The following HSF5 variants were observed in gnomAD, a reference collection of about 807,000 sequenced individuals.
HSF5 encodes the protein heat shock factor protein 5.
HSF5 carries 5 observed loss-of-function variants against 50.8 expected under a neutral mutation model. That is an observed-to-expected ratio of 0.10 (90% CI 0.05 to 0.21). The LOEUF (loss-of-function observed/expected upper bound fraction) is 0.21, where lower values mean the gene tolerates loss of function less well. HSF5 is among the 10% of genes least tolerant of loss of function. HSF5 has a pLI of 1.00. For synonymous variants in HSF5, 307 were observed against 307.4 expected (o/e 1.00, Z 0.02); for missense variants, 564 against 762.6 (o/e 0.74, Z 3.07).
intron 3 of HSF5, 61 bp downstream of exon 3, chr17:58,466,824 T>C (rs1974873729): frequency 4.1e-6 from 4 of 967,816 alleles, no homozygotes; most frequent in South Asian, 3.9e-5. Context: ...TTTGAAATTT[T>C]GCAATATCGA....
At chr17:58,486,237 C>T (rs527826643) in intron 1 of HSF5, among the ~76,000 whole-genome samples, 20 of 152,138 alleles carry the variant, frequency 1.3e-4, no homozygotes, top group South Asian at 6.2e-4. Flanking sequence ...TGGTGGCACG[C>T]GCCTGTATTC....
At chr17:58,465,174 TTTC>T (rs1974846187) in intron 3 of HSF5, among the ~76,000 whole-genome samples, 1 of 132,416 alleles carries the variant, frequency 7.6e-6, no homozygotes, top group Non-Finnish European at 1.6e-5. Flanking sequence ...CCTTCCTTTA[TTTC>T]TTTTCTTTTT....
intron 5 of HSF5, among the ~76,000 whole-genome samples, chr17:58,451,530 G>A (rs1283318130): frequency 6.6e-6 from 1 of 152,080 alleles, no homozygotes; most frequent in African/African-American, 2.4e-5. Flanking sequence ...ATCAATACAG[G>A]AAGAACTTTG....
At chr17:58,444,033 A>G (rs896937944) in intron 5 of HSF5, among the ~76,000 whole-genome samples, 1 of 152,234 alleles carries the variant, frequency 6.6e-6, no homozygotes, top group Non-Finnish European at 1.5e-5. Context: ...CGAATGAGGC[A>G]AAAGACTTTT....
intron 1 of HSF5, among the ~76,000 whole-genome samples, chr17:58,483,382 G>A (rs1001998757): frequency 2.0e-5 from 3 of 152,122 alleles, no homozygotes; most frequent in African/African-American, 4.8e-5. Context: ...ACCAAGACAT[G>A]TTTAGCCCTT....
At chr17:58,452,554 A>T (rs1974655194) in intron 5 of HSF5, among the ~76,000 whole-genome samples, 1 of 151,938 alleles carries the variant, frequency 6.6e-6, no homozygotes, top group African/African-American at 2.4e-5. Context: ...TCATGCCTGT[A>T]ATCGCAACAC....
intron 5 of HSF5, among the ~76,000 whole-genome samples, chr17:58,424,828 C>CAACA (rs1414296408): frequency 3.9e-5 from 6 of 152,178 alleles, no homozygotes; most frequent in African/African-American, 1.4e-4. Context: ...AATTCTGGCA[C>CAACA]ATGCTACAAC....
rs750480602 is a variant in HSF5 at position 58,479,988 on chromosome 17, T to G, written c.830A>C (p.His277Pro). 1 of 1,614,204 alleles carries G rather than the reference T, an allele frequency of 6.2e-7. No homozygotes were observed. The highest frequency in any genetic ancestry group is 1.1e-5 in the South Asian group (1 of 91,074). The change falls in exon 2 of 6, where the codon CAT becomes CCT. Residue 277 changes from histidine (H) to proline (P), a missense_variant. Physicochemically the swap from His to Pro is moderately conservative, Grantham distance 77 (BLOSUM62 -2). Coordinates refer to ENST00000323777, the MANE Select transcript of HSF5 (RefSeq NM_001080439.3). ...YTLQPSTTSV[H>P]VQQGPQTMVS... ...CATTGTTTGAGGACCTTGTTGAACA[T>G]GTACAGATGTGGTGCTGGGCTGCAG...
chr17:58,434,774 AG>A (rs1317349708), intron 5 of HSF5, among the ~76,000 whole-genome samples: 1 of 152,166 alleles, frequency 6.6e-6, no homozygotes, highest in Non-Finnish European at 1.5e-5. Context: ...GGATTGCTTG[AG>A]CCGGGAAGTC....
At chr17:58,446,456 T>G (rs1974563928) in intron 5 of HSF5, among the ~76,000 whole-genome samples, 1 of 152,156 alleles carries the variant, frequency 6.6e-6, no homozygotes, top group Non-Finnish European at 1.5e-5. Context: ...GCATTTGAAC[T>G]TAGTACTGGT....
Position 58,480,055 on chromosome 17 carries a change from A to G in HSF5, c.763T>C (p.Phe255Leu), listed in dbSNP as rs1298181058. The G allele has an allele frequency of 6.2e-7, 1 of 1,614,134 alleles. No homozygotes were observed. Among genetic ancestry groups the G allele is most frequent in the South Asian group, 1.1e-5 (1 of 91,076 alleles). ...SPTFSDKGVP[F>L]PVLQRFPTEV... ...GTTGGAAACCTCTGGAGTACAGGAA[A>G]CGGAACCCCTTTATCTGAAAATGTG... Residue 255 changes from phenylalanine to leucine, a missense_variant, in exon 2 of 6, where the codon TTT becomes CTT. By Grantham distance (22) the Phe-to-Leu change is conservative. Coordinates refer to ENST00000323777, the MANE Select transcript of HSF5 (RefSeq NM_001080439.3).
At chr17:58,460,568 G>A (rs961942799) in intron 4 of HSF5, among the ~76,000 whole-genome samples, 2 of 150,192 alleles carry the variant, frequency 1.3e-5, no homozygotes, top group African/African-American at 4.9e-5. Context: ...GGAGTGCAGT[G>A]GCGCGATCTC....
intron 5 of HSF5, among the ~76,000 whole-genome samples, chr17:58,423,291 GTTCA>G (rs151064992): frequency 0.016 from 2,375 of 152,192 alleles, 52 homozygotes; most frequent in African/African-American, 0.054. Context: ...TCACACAGTG[GTTCA>G]TTAAGAATGA....
chr17:58,466,797 T>C (rs1232123592), intron 3 of HSF5, 88 bp downstream of exon 3: 2 of 771,694 alleles, frequency 2.6e-6, no homozygotes, highest in African/African-American at 3.4e-5. Context: ...TGGTTACTCA[T>C]TAATATAAAA....
chr17:58,452,557 C>T (rs567786816), intron 5 of HSF5, among the ~76,000 whole-genome samples: 1 of 152,182 alleles, frequency 6.6e-6, no homozygotes, highest in Non-Finnish European at 1.5e-5. Flanking sequence ...TGCCTGTAAT[C>T]GCAACACTTT....
At chr17:58,451,458 AT>A (rs1384768440) in intron 5 of HSF5, among the ~76,000 whole-genome samples, 4 of 152,276 alleles carry the variant, frequency 2.6e-5, no homozygotes, top group South Asian at 4.1e-4. Flanking sequence ...AGTCTTAACA[AT>A]TTTTTTTAAA....
intron 5 of HSF5, among the ~76,000 whole-genome samples, chr17:58,451,067 C>T (rs1276780383): frequency 1.3e-5 from 2 of 152,080 alleles, no homozygotes; most frequent in African/African-American, 4.8e-5. Flanking sequence ...CTAGCCTGAC[C>T]AACAGAGTGA....
intron 5 of HSF5, among the ~76,000 whole-genome samples, chr17:58,456,164 T>TAC (rs756729016): frequency 0.22 from 28,081 of 130,430 alleles, 2,738 homozygotes; most frequent in South Asian, 0.33. Flanking sequence ...TGTGTGTGTA[T>TAC]ATACACACAC....
intron 5 of HSF5, among the ~76,000 whole-genome samples, chr17:58,441,419 A>T (rs1974496613): frequency 6.6e-6 from 1 of 152,184 alleles, no homozygotes; most frequent in Non-Finnish European, 1.5e-5. Context: ...AGAAAAGAAG[A>T]TCTAAAATCA....
Sources: allele counts gnomAD v4.1 joint callset (sites outside exome capture counted in the v4.1 genomes callset), GRCh38; gene constraint gnomAD v4.1.1; transcripts MANE v1.5; gene names NCBI Gene and HGNC (gene_info 2026-07-23, HGNC 2026-07-21).